Variants in SPINK5 observed in about 807,000 individuals in gnomAD.
SPINK5 encodes serine protease inhibitor Kazal-type 5.
A neutral mutation model predicts 151.8 loss-of-function variants in SPINK5; 125 were observed. That is an observed-to-expected ratio of 0.82 (90% confidence interval 0.71 to 0.96). The LOEUF (loss-of-function observed/expected upper bound fraction) is 0.96. SPINK5 is among the 40% of genes least tolerant of loss of function. The probability of loss-of-function intolerance (pLI) is 0.00; values close to 1 mark genes in which losing one functional copy is unlikely to be tolerated. For synonymous variants in SPINK5, 374 were observed against 395.3 expected (o/e 0.95, Z 0.64); for missense variants, 1,194 against 1,291.9 (o/e 0.92, Z 1.16).
rs750465673 is a variant in SPINK5 at position 148,120,383 on chromosome 5, G to A, written c.2530G>A (p.Asp844Asn). Residue 844 changes from aspartate to asparagine, a missense_variant, in exon 26 of 33, where the codon GAC (aspartate) becomes AAC (asparagine). Physicochemically the swap from Asp to Asn is conservative, Grantham distance 23. Transcript: ENST00000256084. ...ERSNTGERSN[D>N]KEDLCREFRS... ...GAGCAATACAGGAGAAAGGAGCAAT[G>A]ACAAAGAGGTAATAGATGTTAGACA... 5 of 1,598,400 alleles carry A rather than the reference G, an allele frequency of 3.1e-6. No individual in the cohort carries two copies. In the South Asian group the frequency reaches 4.5e-5, roughly 14 times the overall value.
intron 2 of SPINK5, among the ~76,000 whole-genome samples, chr5:148,067,081 G>T (rs1456811367): frequency 6.6e-6 from 1 of 152,198 alleles, no homozygotes; most frequent in Non-Finnish European, 1.5e-5. Context: ...AACCTAAACA[G>T]CAGGGAAAAG....
chr5:148,075,025 A>G (rs535369740), intron 4 of SPINK5, among the ~76,000 whole-genome samples: 5 of 151,806 alleles, frequency 3.3e-5, no homozygotes, highest in African/African-American at 1.2e-4. Flanking sequence ...TATTACCTAC[A>G]TATAACAAGA....
intron 3 of SPINK5, among the ~76,000 whole-genome samples, 193 bp downstream of exon 3, chr5:148,070,643 T>C (rs1473925801): frequency 6.6e-6 from 1 of 152,138 alleles, no homozygotes; most frequent in Non-Finnish European, 1.5e-5. Context: ...AAGATTTTAA[T>C]AATCACTCAA....
chr5:148,091,283 G>A, intron 8 of SPINK5, 55 bp downstream of exon 8: 2 of 1,420,194 alleles, frequency 1.4e-6, no homozygotes, highest in East Asian at 4.7e-5. Context: ...ATTAACAAAT[G>A]TATGCCTAAA....
rs1196247157 is a variant in SPINK5, at chr5:148,075,526, A to G, written c.282+3306A>G. On this transcript the variant is annotated intron_variant, in intron 4 of 32. Transcript: ENST00000256084. ...AATCTCCACTTTTATCTTTTAAATA[A>G]TTCTTATCTGGCTTGGGAATTTACA... 8.6e-5 allele frequency among the ~76,000 whole-genome samples: 13 copies of G among 151,722 alleles called. 1 individual carries two copies. Among genetic ancestry groups the G allele is most frequent in the Non-Finnish European group, 1.8e-4 (12 of 67,862 alleles).
intron 4 of SPINK5, among the ~76,000 whole-genome samples, chr5:148,085,507 T>G (rs576065662): frequency 9.6e-4 from 146 of 152,096 alleles, no homozygotes; most frequent in Non-Finnish European, 1.7e-3. Flanking sequence ...AAGAATTCAC[T>G]TGATCCTTAT....
intron 4 of SPINK5, among the ~76,000 whole-genome samples, chr5:148,080,477 G>A (rs543417645): frequency 1.1e-4 from 16 of 151,224 alleles, no homozygotes; most frequent in Non-Finnish European, 1.8e-4. Flanking sequence ...TCATAACAGC[G>A]TGCCGTTATT....
Position 148,064,014 on chromosome 5 carries a change from G to A in SPINK5, c.-31G>A. The A allele has an allele frequency of 6.2e-7, 1 of 1,613,662 alleles. No homozygotes were observed. Among genetic ancestry groups the A allele is most frequent in the Non-Finnish European group, 8.5e-7 (1 of 1,179,626 alleles). On this transcript the variant is annotated 5_prime_UTR_variant, in exon 1 of 33. An upstream open reading frame in the 5' UTR gains an earlier in-frame stop. Transcript: ENST00000256084. Reference sequence around the variant, plus strand: ...GCACCAGCTGAGCAATGCATGGAGTGGACCTGTAGGCGACTTGCATCGTCT... The same window carrying A: ...GCACCAGCTGAGCAATGCATGGAGTAGACCTGTAGGCGACTTGCATCGTCT...
rs1305351107 is a variant in SPINK5 at position 148,091,225 on chromosome 5, A to G, written c.663A>G (p.Glu221=). 8.1e-6 allele frequency: 13 copies of G among 1,611,072 alleles called. No individual in the cohort carries two copies. The highest frequency in any genetic ancestry group is 1.7e-5 in the Admixed American group (1 of 59,752). Residue 221 remains glutamate, a synonymous_variant, in exon 8 of 33, where the codon GAA becomes GAG. Coordinates refer to ENST00000256084, the MANE Select transcript of SPINK5 (RefSeq NM_006846.4). ...AAACTAGAATTCGACGAAATGCTGA[A>G]AAGGTAAAATGACTCACCAACGCAA... is the stretch of plus-strand genomic sequence containing the variant. ...EGETRIRRNA[E]KDFCKEYEKQ... is the part of the protein sequence containing the mutation.
intron 2 of SPINK5, among the ~76,000 whole-genome samples, chr5:148,068,582 G>C (rs201968780): frequency 9.4e-6 from 1 of 106,288 alleles, no homozygotes; most frequent in Non-Finnish European, 1.9e-5. Flanking sequence ...AAAAAAAAAA[G>C]AAAGAAAGAA....
chr5:148,117,152 A>G (rs1397127175), intron 22 of SPINK5, among the ~76,000 whole-genome samples: 3 of 152,162 alleles, frequency 2.0e-5, no homozygotes, highest in Non-Finnish European at 4.4e-5. Context: ...TATCAAAACC[A>G]TGTCTTCACT....
At position 148,086,462 on chromosome 5, in the gene SPINK5, T is replaced by C; in HGVS notation, c.340T>C (p.Tyr114His). 2 of 1,611,984 alleles carry C rather than the reference T, an allele frequency of 1.2e-6. No individual in the cohort carries two copies. Among genetic ancestry groups the C allele is most frequent in the East Asian group, 4.5e-5 (2 of 44,748 alleles). ...AGATGGGGATTTTATCTGTCCTGATTATTATGAAGCTGTTTGTGGCACAGA... is the reference window on the plus strand; with the variant it reads ...AGATGGGGATTTTATCTGTCCTGATCATTATGAAGCTGTTTGTGGCACAGA... ...ERDGDFICPD[Y>H]YEAVCGTDGK... Residue 114 changes from tyrosine (Y) to histidine (H), a missense_variant, in exon 5 of 33, where the codon TAT (tyrosine) becomes CAT (histidine). Tyr to His is a moderately conservative substitution (Grantham distance 83). Coordinates refer to ENST00000256084, the MANE Select transcript of SPINK5 (RefSeq NM_006846.4).
intron 31 of SPINK5, 146 bp downstream of exon 31, chr5:148,131,535 T>C: frequency 8.8e-7 from 1 of 1,140,156 alleles, no homozygotes; most frequent in South Asian, 1.4e-5. Context: ...AATTTGTGAA[T>C]TATCTTTCTT....
At chr5:148,127,314 G>C (rs1209996927) in intron 30 of SPINK5, among the ~76,000 whole-genome samples, 1 of 151,998 alleles carries the variant, frequency 6.6e-6, no homozygotes, top group Non-Finnish European at 1.5e-5. Flanking sequence ...AGTACATTTT[G>C]AAATTTACAA....
chr5:148,130,296 G>T (rs938664046), intron 30 of SPINK5, among the ~76,000 whole-genome samples: 1 of 151,764 alleles, frequency 6.6e-6, no homozygotes, highest in East Asian at 1.9e-4. Context: ...TGAGTCATGA[G>T]TTATTTAGAA....
chr5:148,068,422 T>G (rs1752639344), intron 2 of SPINK5, among the ~76,000 whole-genome samples: 1 of 151,796 alleles, frequency 6.6e-6, no homozygotes, highest in South Asian at 2.1e-4. Flanking sequence ...TAATGCTGTA[T>G]CTATGTCACC....
At chr5:148,125,024 A>G in intron 28 of SPINK5, 187 bp downstream of exon 28, 4 of 829,820 alleles carry the variant, frequency 4.8e-6, no homozygotes, top group Non-Finnish European at 6.7e-6. Context: ...ACCTTTTTTG[A>G]TTTTGTAGAA....
At chr5:148,081,711 A>G (rs1040194469) in intron 4 of SPINK5, among the ~76,000 whole-genome samples, 2 of 151,718 alleles carry the variant, frequency 1.3e-5, no homozygotes, top group African/African-American at 2.4e-5. Context: ...AACTCTTTCC[A>G]TTTACTAAAA....
intron 4 of SPINK5, among the ~76,000 whole-genome samples, chr5:148,072,532 C>T (rs550338948): frequency 6.6e-6 from 1 of 151,952 alleles, no homozygotes; most frequent in Non-Finnish European, 1.5e-5. Flanking sequence ...CAAAGAAGAG[C>T]TTTCCTGGGA....
Sources: gnomAD v4.1 joint callset for allele counts (sites outside exome capture counted in the v4.1 genomes callset) on GRCh38, gnomAD v4.1.1 for gene constraint, MANE v1.5 for transcripts, NCBI Gene and HGNC (gene_info 2026-07-23, HGNC 2026-07-21) for gene names.